The following WWC1 variants were observed in gnomAD, a reference collection of about 807,000 sequenced individuals.
WWC1 encodes WW and C2 domain containing 1, also known as protein KIBRA.
Under a neutral mutation model 138.4 loss-of-function variants are expected in WWC1, and 55 were observed. The ratio of observed to expected loss-of-function variants is 0.40; its 90% confidence interval spans 0.32 to 0.50. The LOEUF is 0.50. Among genes scored for constraint, WWC1 ranks in the 20% least tolerant of loss-of-function variants. The pLI is 0.72. For missense variants in WWC1, 1,226 were observed against 1,420.4 expected (o/e 0.86, Z 2.20); for synonymous variants, 524 against 564.9 (o/e 0.93, Z 1.03).
intron 7 of WWC1, 78 bp downstream of exon 7, chr5:168,408,731 C>T (rs529413312): frequency 1.3e-6 from 2 of 1,571,286 alleles, no homozygotes; most frequent in Admixed American, 1.7e-5. Flanking sequence ...CAGCTGCCTT[C>T]TCATGGCTCA....
At chr5:168,298,613 G>A (rs937302337) in intron 1 of WWC1, among the ~76,000 whole-genome samples, 25 of 152,114 alleles carry the variant, frequency 1.6e-4, no homozygotes, top group Non-Finnish European at 3.4e-4. Context: ...AGATAATAGG[G>A]AGAAGCAAGA....
chr5:168,447,748 A>G (rs573089125), intron 17 of WWC1, among the ~76,000 whole-genome samples: 1 of 151,672 alleles, frequency 6.6e-6, no homozygotes, highest in African/African-American at 2.4e-5. Context: ...GGTTCTCTCT[A>G]AATTGTCTCA....
Position 168,470,523 on chromosome 5 carries a change from C to CA in WWC1, c.*1522dup, listed in dbSNP as rs79016875. ...TGGGTGACAGAGCAAGACTCCGTCT[C>CA]AAAAAAAAAAAAAAAAGAAAAATGC... On this transcript the variant is annotated 3_prime_UTR_variant, in exon 23 of 23. Transcript: ENST00000265293. 0.039 allele frequency: 3,303 copies of CA among 85,518 alleles called. 62 individuals are homozygous for CA. The highest frequency in any genetic ancestry group is 0.075 in the South Asian group (215 of 2,862). The allele number at this position is 85,518 out of a possible 1,614,324, so 5.3% of individuals were successfully genotyped here. A position where few individuals can be genotyped will look rare whatever the true frequency, so the allele number is the denominator to read the frequency against.
chr5:168,328,732 T>TCAC (rs1263753911), intron 1 of WWC1, among the ~76,000 whole-genome samples: 1 of 152,162 alleles, frequency 6.6e-6, no homozygotes, highest in African/African-American at 2.4e-5. Context: ...AGACGGGGTT[T>TCAC]CACCATATTG....
At chr5:168,345,190 C>T (rs1187400353) in intron 1 of WWC1, among the ~76,000 whole-genome samples, 1 of 152,160 alleles carries the variant, frequency 6.6e-6, no homozygotes, top group African/African-American at 2.4e-5. Flanking sequence ...CTGCAGTCTC[C>T]ACCTCCTGGG....
intron 1 of WWC1, among the ~76,000 whole-genome samples, chr5:168,368,426 T>C (rs547117548): frequency 3.0e-4 from 45 of 152,342 alleles, no homozygotes; most frequent in African/African-American, 8.9e-4. Flanking sequence ...AAAGTGATGA[T>C]CTATACGCAG....
chr5:168,353,837 C>T (rs1775184986), intron 1 of WWC1, among the ~76,000 whole-genome samples: 1 of 152,188 alleles, frequency 6.6e-6, no homozygotes, highest in African/African-American at 2.4e-5. Flanking sequence ...GCACGGATTT[C>T]ACCTTTCTGG....
chr5:168,459,624 C>T (rs1402672582), intron 19 of WWC1, among the ~76,000 whole-genome samples: 1 of 152,150 alleles, frequency 6.6e-6, no homozygotes, highest in South Asian at 2.1e-4. Context: ...TACTATTCAG[C>T]GTCTGGTTCT....
chr5:168,383,182 CAAA>C (rs67923145), intron 2 of WWC1, among the ~76,000 whole-genome samples: 1 of 106,654 alleles, frequency 9.4e-6, no homozygotes. Context: ...ATCTCAAAAA[CAAA>C]AAAAAAAAAA....
chr5:168,373,459 A>T (rs1162715652), intron 2 of WWC1, among the ~76,000 whole-genome samples: 3 of 151,718 alleles, frequency 2.0e-5, no homozygotes, highest in Non-Finnish European at 4.4e-5. Context: ...GATGTGGGGG[A>T]CCACCTCAGT....
chr5:168,300,407 G>A (rs545953791), intron 1 of WWC1, among the ~76,000 whole-genome samples: 14 of 151,980 alleles, frequency 9.2e-5, no homozygotes, highest in Admixed American at 6.6e-4. Context: ...AAAGAAAAAG[G>A]ACAAGTGTGG....
rs1305172477 is a variant in WWC1, at chr5:168,357,489, TGTGTGC to T, written c.120-13933_120-13928del. 8.2e-3 allele frequency among the ~76,000 whole-genome samples: 537 copies of T among 65,288 alleles called. 2 individuals carry two copies. The highest frequency in any genetic ancestry group is 0.052 in the East Asian group (61 of 1,174). The allele number at this position is 65,288 out of a possible 152,430, so 42.8% of individuals were successfully genotyped here. A position where few individuals can be genotyped will look rare whatever the true frequency, so the allele number is the denominator to read the frequency against. On this transcript the variant is annotated intron_variant, in intron 1 of 22. Transcript: ENST00000265293. Reference sequence around the variant, plus strand: ...GTGTGTGTGTGTGTGTGTGTGTGTGTGTGTGCGCGCGCGCACGCATGCACGTGCGTG... The same window carrying T: ...GTGTGTGTGTGTGTGTGTGTGTGTGTGCGCGCGCACGCATGCACGTGCGTG...
intron 2 of WWC1, among the ~76,000 whole-genome samples, chr5:168,382,037 C>T (rs1265915920): frequency 2.0e-5 from 3 of 152,002 alleles, no homozygotes; most frequent in Non-Finnish European, 4.4e-5. Flanking sequence ...AATTCATAGA[C>T]ATATGTTTTT....
At chr5:168,439,697 C>T (rs1039262690) in intron 15 of WWC1, among the ~76,000 whole-genome samples, 29 of 151,820 alleles carry the variant, frequency 1.9e-4, no homozygotes, top group African/African-American at 6.0e-4. Context: ...GTTTGTGGGT[C>T]GTTTTGTACT....
intron 19 of WWC1, among the ~76,000 whole-genome samples, chr5:168,459,355 C>A (rs1215033247): frequency 6.6e-6 from 1 of 151,940 alleles, no homozygotes; most frequent in Non-Finnish European, 1.5e-5. Context: ...CAAGATGGCA[C>A]ACCCTTCCAC....
At chr5:168,454,720 G>A (rs992906202) in intron 18 of WWC1, among the ~76,000 whole-genome samples, 3 of 152,162 alleles carry the variant, frequency 2.0e-5, no homozygotes, top group African/African-American at 7.2e-5. Context: ...CTGGGCCCTC[G>A]TTCTAACTCC....
At chr5:168,405,958 C>T (rs1274500436) in intron 5 of WWC1, among the ~76,000 whole-genome samples, 1 of 152,026 alleles carries the variant, frequency 6.6e-6, no homozygotes, top group Non-Finnish European at 1.5e-5. Flanking sequence ...AACTCCTGGC[C>T]TCAAGTGATC....
chr5:168,373,216 C>G (rs1010867955), intron 2 of WWC1, among the ~76,000 whole-genome samples: 1 of 152,080 alleles, frequency 6.6e-6, no homozygotes, highest in African/African-American at 2.4e-5. Flanking sequence ...CTGAGTGCAT[C>G]CCCCTCATTA....
chr5:168,381,934 A>T (rs1161397619), intron 2 of WWC1, among the ~76,000 whole-genome samples: 1 of 151,852 alleles, frequency 6.6e-6, no homozygotes, highest in African/African-American at 2.4e-5. Flanking sequence ...TTTGGAAGGT[A>T]ATTTGGTAAT....
Sources: gnomAD v4.1 joint callset for allele counts (sites outside exome capture counted in the v4.1 genomes callset) on GRCh38, gnomAD v4.1.1 for gene constraint, MANE v1.5 for transcripts, NCBI Gene and HGNC (gene_info 2026-07-23, HGNC 2026-07-21) for gene names.